CNTNAP2: variants seen among roughly 807,000 people sequenced by gnomAD.
CNTNAP2 encodes the protein contactin-associated protein-like 2.
In CNTNAP2, 98 loss-of-function variants were observed where a neutral mutation model predicts 155.2. The observed-to-expected ratio is 0.63, with a 90% CI of 0.54 to 0.75. The LOEUF is 0.75. Ranked by LOEUF, CNTNAP2 falls within the 30% of genes least tolerant of loss-of-function variation. CNTNAP2 has a pLI of 0.00. For missense variants in CNTNAP2, 1,727 were observed against 1,688.1 expected, an observed-to-expected ratio of 1.02 and a Z score of -0.40; for synonymous variants, 651 against 631.2, an observed-to-expected ratio of 1.03 and a Z score of -0.47.
At chr7:148,077,454 G>A (rs117644118) in intron 15 of CNTNAP2, among the ~76,000 whole-genome samples, 1,536 of 152,098 alleles carry the variant, frequency 0.01, 45 homozygotes, top group Admixed American at 0.06. Flanking sequence ...GCCTCTTTTT[G>A]TCTTTCCCCA....
chr7:146,332,929 T>TAG (rs1801208830), intron 1 of CNTNAP2, among the ~76,000 whole-genome samples: 1 of 149,680 alleles, frequency 6.7e-6, no homozygotes, highest in Non-Finnish European at 1.5e-5. Flanking sequence ...TTCTTCTTCT[T>TAG]TTTCTTCTTC....
At chr7:147,919,684 T>C (rs1800232312) in intron 14 of CNTNAP2, among the ~76,000 whole-genome samples, 1 of 151,452 alleles carries the variant, frequency 6.6e-6, no homozygotes, top group Non-Finnish European at 1.5e-5. Context: ...GGTCTCGATC[T>C]CCTGAACTCG....
intron 19 of CNTNAP2, 101 bp downstream of exon 19, chr7:148,217,625 A>G (rs1795669342): frequency 4.6e-6 from 6 of 1,301,012 alleles, no homozygotes; most frequent in Admixed American, 3.4e-5. Flanking sequence ...TTTATTCCCC[A>G]TAGGCTTTTT....
rs548343547 is a variant in CNTNAP2, at chr7:146,770,189, CTT to C, written c.98-4078_98-4077del. Among the ~76,000 whole-genome samples, 410 of 151,868 alleles carry C rather than the reference CTT, an allele frequency of 2.7e-3. 1 individual carries two copies. Among genetic ancestry groups the C allele is most frequent in the Middle Eastern group, 6.8e-3 (2 of 294 alleles). ...TCTTTTGTTGCTTCATGTTTAATTA[CTT>C]TTTGTGGATTCATTTATTACTGCCA... On this transcript the variant is annotated intron_variant, in intron 1 of 23. Transcript: ENST00000361727.
chr7:146,220,466 C>G (rs1409507471), intron 1 of CNTNAP2, among the ~76,000 whole-genome samples: 1 of 152,186 alleles, frequency 6.6e-6, no homozygotes, highest in Non-Finnish European at 1.5e-5. Flanking sequence ...GCCACAGCAA[C>G]TTCTTAACTG....
intron 21 of CNTNAP2, among the ~76,000 whole-genome samples, chr7:148,365,060 C>T (rs971748329): frequency 1.3e-5 from 2 of 152,206 alleles, no homozygotes; most frequent in Non-Finnish European, 2.9e-5. Context: ...CCGCGAGGGT[C>T]CGCGGCTTCA....
intron 8 of CNTNAP2, among the ~76,000 whole-genome samples, chr7:147,209,103 T>C (rs1333042511): frequency 6.6e-6 from 1 of 152,074 alleles, no homozygotes; most frequent in Non-Finnish European, 1.5e-5. Context: ...ATTTTAGAAT[T>C]GTTTTCTAAT....
intron 8 of CNTNAP2, among the ~76,000 whole-genome samples, chr7:147,167,769 T>C (rs1265547572): frequency 6.6e-6 from 1 of 152,118 alleles, no homozygotes; most frequent in African/African-American, 2.4e-5. Context: ...CTTCATTGTT[T>C]GGACCTGCAT....
chr7:146,472,458 C>T (rs1796814535), intron 1 of CNTNAP2, among the ~76,000 whole-genome samples: 1 of 152,120 alleles, frequency 6.6e-6, no homozygotes, highest in African/African-American at 2.4e-5. Context: ...GCATTGCACT[C>T]GGATAACCAC....
In CNTNAP2 at chr7:146,912,757, A is replaced by G. The variant is rs114288597; in HGVS notation, c.402+72853A>G. 9.7e-3 allele frequency among the ~76,000 whole-genome samples: 1,469 copies of G among 152,228 alleles called. 17 individuals carry two copies. The highest frequency in any genetic ancestry group is 0.034 in the African/African-American group (1,395 of 41,548). On this transcript the variant is annotated intron_variant, in intron 3 of 23. Coordinates refer to ENST00000361727, the MANE Select transcript of CNTNAP2 (RefSeq NM_014141.6). Reference sequence around the variant, plus strand: ...TGTGAAAAACAAAGGCTTTAGTACTATTTATTTGACTGCGGGAATGAAAAT... The same window carrying G: ...TGTGAAAAACAAAGGCTTTAGTACTGTTTATTTGACTGCGGGAATGAAAAT...
chr7:147,254,298 C>A (rs11973370), intron 8 of CNTNAP2, among the ~76,000 whole-genome samples: 3,271 of 152,178 alleles, frequency 0.021, 121 homozygotes, highest in African/African-American at 0.075. Flanking sequence ...ATGCCACTTA[C>A]AATAATACAG....
At chr7:146,519,193 C>G (rs1797582103) in intron 1 of CNTNAP2, among the ~76,000 whole-genome samples, 1 of 151,736 alleles carries the variant, frequency 6.6e-6, no homozygotes, top group African/African-American at 2.4e-5. Context: ...AGGCAGTTTG[C>G]TGTGAATTCT....
intron 10 of CNTNAP2, among the ~76,000 whole-genome samples, chr7:147,482,295 A>T (rs1798434696): frequency 6.6e-6 from 1 of 152,164 alleles, no homozygotes; most frequent in Admixed American, 6.5e-5. Context: ...ACTGGTCCTA[A>T]CTTTTAAAAT....
At chr7:146,706,876 C>G (rs775182579) in intron 1 of CNTNAP2, among the ~76,000 whole-genome samples, 1 of 149,364 alleles carries the variant, frequency 6.7e-6, no homozygotes, top group African/African-American at 2.5e-5. Context: ...ACAAGTTTAC[C>G]TATGTAAAAA....
chr7:146,268,875 T>A (rs1010017159), intron 1 of CNTNAP2, among the ~76,000 whole-genome samples: 1 of 152,180 alleles, frequency 6.6e-6, no homozygotes, highest in Non-Finnish European at 1.5e-5. Context: ...TACACCTGTG[T>A]TTTGAGGGTG....
At chr7:147,879,285 G>A (rs916839179) in intron 13 of CNTNAP2, among the ~76,000 whole-genome samples, 21 of 152,110 alleles carry the variant, frequency 1.4e-4, no homozygotes, top group Admixed American at 5.9e-4. Flanking sequence ...CTTTGACGAC[G>A]AAGGCATCAT....
Position 146,202,376 on chromosome 7 carries a change from C to T in CNTNAP2, c.97+85403C>T, listed in dbSNP as rs1584800222. Among the ~76,000 whole-genome samples, 3 of 152,130 alleles carry T rather than the reference C, an allele frequency of 2.0e-5. No individual in the cohort carries two copies. The East Asian group carries it at 5.8e-4, about 29-fold the overall frequency. The stretch of plus-strand genomic sequence containing the variant: ...TTAAGGATAAAACTAGATCAGTCGT[C>T]TCTTGAGTGAATTTCTCAGATTTAG... On this transcript the variant is annotated intron_variant, in intron 1 of 23. Coordinates refer to ENST00000361727, the MANE Select transcript of CNTNAP2 (RefSeq NM_014141.6).
At chr7:147,555,602 T>C (rs1799937918) in intron 11 of CNTNAP2, among the ~76,000 whole-genome samples, 1 of 152,212 alleles carries the variant, frequency 6.6e-6, no homozygotes, top group South Asian at 2.1e-4. Flanking sequence ...AGTGAATATT[T>C]TTCCCTCTTC....
At chr7:147,745,779 G>C (rs955854525) in intron 13 of CNTNAP2, among the ~76,000 whole-genome samples, 30 of 152,176 alleles carry the variant, frequency 2.0e-4, no homozygotes, top group African/African-American at 6.8e-4. Flanking sequence ...GAGGTCAGGG[G>C]CATGCAATGA....
Sources: allele counts gnomAD v4.1 joint callset (sites outside exome capture counted in the v4.1 genomes callset), GRCh38; gene constraint gnomAD v4.1.1; transcripts MANE v1.5; gene names NCBI Gene and HGNC (gene_info 2026-07-23, HGNC 2026-07-21).